Variants in BICD1 observed in about 807,000 individuals in gnomAD.
BICD1 encodes BICD cargo adaptor 1.
In BICD1, 35 loss-of-function variants were observed where a neutral mutation model predicts 92.5. The observed-to-expected ratio is 0.38, with a 90% confidence interval of 0.29 to 0.50. The LOEUF (loss-of-function observed/expected upper bound fraction) is 0.50. BICD1 is among the 20% of genes least tolerant of loss of function. The probability of loss-of-function intolerance (pLI) is 0.93; values close to 1 mark genes in which losing one functional copy is unlikely to be tolerated. For synonymous variants in BICD1, 429 were observed against 465.1 expected (o/e 0.92, Z 1.00); for missense variants, 950 against 1,189.8 (o/e 0.80, Z 2.97).
chr12:32,216,190 A>G, intron 1 of BICD1, 57 bp from the exon 2 acceptor site: 1 of 1,558,230 alleles, frequency 6.4e-7, no homozygotes, highest in Non-Finnish European at 8.8e-7. Flanking sequence ...CCAAGTCTTA[A>G]AAGAGGGTTA....
intron 1 of BICD1, among the ~76,000 whole-genome samples, chr12:32,127,864 A>G (rs1232762443): frequency 2.0e-5 from 3 of 151,942 alleles, no homozygotes; most frequent in Non-Finnish European, 4.4e-5. Context: ...TCAATTGTCT[A>G]ATTAGATGTT....
intron 2 of BICD1, among the ~76,000 whole-genome samples, chr12:32,254,892 A>T (rs1427523716): frequency 6.6e-6 from 1 of 152,196 alleles, no homozygotes; most frequent in African/African-American, 2.4e-5. Context: ...CTCCCAAAGC[A>T]GAAGCATTAA....
chr12:32,220,648 A>C (rs1945489356), intron 2 of BICD1, among the ~76,000 whole-genome samples: 1 of 149,490 alleles, frequency 6.7e-6, no homozygotes, highest in Non-Finnish European at 1.5e-5. Flanking sequence ...TGTTGGTGGG[A>C]CTGTAAACTA....
intron 1 of BICD1, among the ~76,000 whole-genome samples, chr12:32,127,384 A>G (rs572267450): frequency 6.6e-6 from 1 of 152,196 alleles, no homozygotes. Flanking sequence ...CCACCCCCCA[A>G]TAAAATTAGC....
At chr12:32,235,945 C>CCCT (rs111938931) in intron 2 of BICD1, among the ~76,000 whole-genome samples, 18,092 of 150,906 alleles carry the variant, frequency 0.12, 1,751 homozygotes, top group African/African-American at 0.27. Flanking sequence ...TCGTGATCTG[C>CCCT]CCTCGGCCTC....
In BICD1 at chr12:32,380,813, G is replaced by C. The variant is rs1180426628; in HGVS notation, c.*3186G>C. 1 of 151,766 alleles carries C rather than the reference G, an allele frequency of 6.6e-6. No homozygotes were observed. The highest frequency in any genetic ancestry group is 1.5e-5 in the Non-Finnish European group (1 of 67,940). 9.4% of individuals were successfully genotyped at this position (151,766 alleles called of 1,614,324 possible). On this transcript the variant is annotated 3_prime_UTR_variant, in exon 10 of 10. Coordinates refer to ENST00000652176, the MANE Select transcript of BICD1 (RefSeq NM_001714.4). Reference sequence around the variant, plus strand: ...AGTCTAACGAAGAGGAGGTACAATAGTAGTCTTCAAGAAAAGAATATTTAA... The same window carrying C: ...AGTCTAACGAAGAGGAGGTACAATACTAGTCTTCAAGAAAAGAATATTTAA...
chr12:32,315,116 G>A (rs955957643), intron 4 of BICD1, among the ~76,000 whole-genome samples: 2 of 152,090 alleles, frequency 1.3e-5, no homozygotes, highest in African/African-American at 2.4e-5. Flanking sequence ...GATCCATTTT[G>A]ACTTAATTTT....
chr12:32,283,669 T>C (rs757484733), intron 2 of BICD1, among the ~76,000 whole-genome samples: 5 of 152,096 alleles, frequency 3.3e-5, no homozygotes, highest in Admixed American at 1.3e-4. Context: ...AGTGGTTTGA[T>C]TGGAAGAAGT....
intron 1 of BICD1, among the ~76,000 whole-genome samples, chr12:32,202,317 G>C (rs531558272): frequency 6.6e-6 from 1 of 152,248 alleles, no homozygotes; most frequent in East Asian, 1.9e-4. Flanking sequence ...AGGCAATTGT[G>C]GGAAAAAATC....
chr12:32,130,817 A>G (rs1592347213), intron 1 of BICD1, among the ~76,000 whole-genome samples: 1 of 152,098 alleles, frequency 6.6e-6, no homozygotes, highest in South Asian at 2.1e-4. Context: ...TATATAGTTA[A>G]ATAAATAATG....
intron 8 of BICD1, among the ~76,000 whole-genome samples, chr12:32,351,311 C>T (rs554991741): frequency 6.6e-6 from 1 of 150,788 alleles, no homozygotes; most frequent in Non-Finnish European, 1.5e-5. Context: ...CATGGTGAAA[C>T]CCTGTCTCTA....
At chr12:32,111,786 T>C (rs1255812581) in intron 1 of BICD1, among the ~76,000 whole-genome samples, 1 of 151,924 alleles carries the variant, frequency 6.6e-6, no homozygotes, top group Non-Finnish European at 1.5e-5. Context: ...TTTTCGTATT[T>C]TTAGTAGAGA....
chr12:32,280,098 C>CTAAA (rs61445099), intron 2 of BICD1, among the ~76,000 whole-genome samples: 44,751 of 150,358 alleles, frequency 0.3, 7,891 homozygotes, highest in East Asian at 0.49. Context: ...AACTGCATCT[C>CTAAA]TAAATAAATA....
At chr12:32,321,433 A>G (rs1162326392) in intron 4 of BICD1, among the ~76,000 whole-genome samples, 2 of 152,192 alleles carry the variant, frequency 1.3e-5, no homozygotes, top group Admixed American at 6.5e-5. Flanking sequence ...TACTTACACT[A>G]AACAGTTTAC....
Position 32,377,944 on chromosome 12 carries a change from A to ATC in BICD1, c.*317_*318insTC, listed in dbSNP as rs1940043517. On this transcript the variant is annotated 3_prime_UTR_variant, in exon 10 of 10. Transcript: ENST00000652176. ...TGGCTTTACCTCGATAGCATAAGAG[A>ATC]GACCTAAGACATGTAAAATACGTAT... 1 of 234,174 alleles carries ATC rather than the reference A, an allele frequency of 4.3e-6. No homozygotes were observed. Among genetic ancestry groups the ATC allele is most frequent in the Non-Finnish European group, 8.5e-6 (1 of 118,218 alleles). The allele number at this position is 234,174 out of a possible 1,614,324, so 14.5% of individuals were successfully genotyped here. A position where few individuals can be genotyped will look rare whatever the true frequency, so the allele number is the denominator to read the frequency against.
intron 1 of BICD1, among the ~76,000 whole-genome samples, chr12:32,125,850 G>A (rs1046593110): frequency 2.0e-5 from 3 of 150,206 alleles, no homozygotes; most frequent in Admixed American, 1.3e-4. Flanking sequence ...GAGACCTGCC[G>A]GGGCAACATG....
intron 3 of BICD1, among the ~76,000 whole-genome samples, chr12:32,295,111 T>C (rs116779542): frequency 0.017 from 2,344 of 138,178 alleles, 72 homozygotes; most frequent in African/African-American, 0.061. Context: ...AAAAAGAAAA[T>C]GCCTGTTTTC....
chr12:32,232,986 A>G (rs188531097), intron 2 of BICD1, among the ~76,000 whole-genome samples: 1 of 152,194 alleles, frequency 6.6e-6, no homozygotes, highest in African/African-American at 2.4e-5. Context: ...TAAATGGAAA[A>G]TGGCAGAGAG....
intron 8 of BICD1, among the ~76,000 whole-genome samples, chr12:32,366,381 A>G (rs1939525062): frequency 1.3e-5 from 2 of 152,226 alleles, no homozygotes; most frequent in South Asian, 4.1e-4. Flanking sequence ...GCACTTTGGG[A>G]GGCCGAGGCA....
Sources: gnomAD v4.1 joint callset for allele counts (sites outside exome capture counted in the v4.1 genomes callset) on GRCh38, gnomAD v4.1.1 for gene constraint, MANE v1.5 for transcripts, NCBI Gene and HGNC (gene_info 2026-07-23, HGNC 2026-07-21) for gene names.